TTLL7: variants seen among roughly 807,000 people sequenced by gnomAD.
The protein encoded by TTLL7 is tubulin tyrosine ligase like 7.
TTLL7 carries 53 observed loss-of-function variants against 120.2 expected under a neutral mutation model. That is an observed-to-expected ratio of 0.44 (90% CI 0.35 to 0.55). The LOEUF is 0.55. Among genes scored for constraint, TTLL7 ranks in the 20% least tolerant of loss-of-function variants. TTLL7 has a pLI of 0.00. For missense variants in TTLL7, 803 were observed against 1,054.7 expected (o/e 0.76, Z 3.31); for synonymous variants, 353 against 351.7 (o/e 1.00, Z -0.04).
chr1:83,948,522 T>C, intron 5 of TTLL7, 106 bp downstream of exon 5: 5 of 784,056 alleles, frequency 6.4e-6, no homozygotes, highest in Non-Finnish European at 1.0e-5. Context: ...ATCACTCTCA[T>C]CTAAATATCA....
intron 20 of TTLL7, among the ~76,000 whole-genome samples, chr1:83,871,573 C>A (rs971507422): frequency 6.6e-6 from 1 of 152,092 alleles, no homozygotes; most frequent in African/African-American, 2.4e-5. Context: ...GGTATCAAAT[C>A]GTTTATTTTC....
chr1:83,890,156 C>T (rs1161975233), intron 19 of TTLL7, among the ~76,000 whole-genome samples, 165 bp downstream of exon 19: 1 of 152,056 alleles, frequency 6.6e-6, no homozygotes, highest in Admixed American at 6.6e-5. Context: ...ATCATCTTAT[C>T]TAAATCAGCT....
At chr1:83,922,665 A>AAAAAGAAGACAGG (rs1476727705) in intron 10 of TTLL7, among the ~76,000 whole-genome samples, 5 of 140,966 alleles carry the variant, frequency 3.5e-5, no homozygotes, top group African/African-American at 5.5e-5. Flanking sequence ...TGAATGCAAG[A>AAAAAGAAGACAGG]AACTCAGCTT....
At chr1:83,892,481 A>T (rs1273188095) in intron 18 of TTLL7, among the ~76,000 whole-genome samples, 15 of 83,910 alleles carry the variant, frequency 1.8e-4, no homozygotes, top group East Asian at 2.7e-4. Flanking sequence ...TGAACATATG[A>T]ATGAACATAT....
intron 7 of TTLL7, among the ~76,000 whole-genome samples, chr1:83,942,134 T>C (rs1258673225): frequency 6.6e-6 from 1 of 152,186 alleles, no homozygotes; most frequent in African/African-American, 2.4e-5. Flanking sequence ...TACTTCTCCA[T>C]TGCATGTTAG....
intron 8 of TTLL7, among the ~76,000 whole-genome samples, chr1:83,935,301 G>A (rs1411953093): frequency 2.0e-5 from 3 of 152,018 alleles, no homozygotes; most frequent in African/African-American, 7.2e-5. Context: ...AGAGGGGGTG[G>A]GGACTGATTA....
chr1:83,871,578 A>G (rs1223203568), intron 20 of TTLL7, among the ~76,000 whole-genome samples: 1 of 151,984 alleles, frequency 6.6e-6, no homozygotes, highest in African/African-American at 2.4e-5. Flanking sequence ...CAAATCGTTT[A>G]TTTTCTTCAC....
chr1:83,966,753 A>C (rs751667775), intron 1 of TTLL7, among the ~76,000 whole-genome samples: 1 of 152,110 alleles, frequency 6.6e-6, no homozygotes, highest in Non-Finnish European at 1.5e-5. Flanking sequence ...TAAAATTGTG[A>C]TTATCTTATA....
intron 1 of TTLL7, among the ~76,000 whole-genome samples, chr1:83,986,391 TA>T (rs1379120294): frequency 3.3e-5 from 5 of 152,152 alleles, no homozygotes; most frequent in Non-Finnish European, 7.4e-5. Flanking sequence ...CAATTGATAC[TA>T]AAAAAAGTAT....
chr1:83,921,524 C>G lies in TTLL7; in HGVS notation c.1143-130G>C. On this transcript the variant is annotated intron_variant, in intron 10 of 20. Transcript: ENST00000260505. Reference sequence around the variant, plus strand: ...AATGTTTATTAAACTTATATATTCACTTACATTATATTCATCTAACCATAC... The same window carrying G: ...AATGTTTATTAAACTTATATATTCAGTTACATTATATTCATCTAACCATAC... The G allele has an allele frequency of 3.2e-6, 3 of 950,004 alleles. No individual in the cohort carries two copies. In the South Asian group the frequency reaches 5.6e-5, roughly 18 times the overall value. The allele number at this position is 950,004 out of a possible 1,614,324, so 58.8% of individuals were successfully genotyped here. A position where few individuals can be genotyped will look rare whatever the true frequency, so the allele number is the denominator to read the frequency against.
intron 1 of TTLL7, among the ~76,000 whole-genome samples, chr1:83,975,934 T>C (rs552919655): frequency 9.2e-5 from 14 of 152,032 alleles, no homozygotes; most frequent in African/African-American, 2.7e-4. Context: ...TTTGAAATAA[T>C]AGAATAGAAT....
chr1:83,950,971 G>A (rs1306431034), intron 3 of TTLL7, among the ~76,000 whole-genome samples: 1 of 152,160 alleles, frequency 6.6e-6, no homozygotes, highest in Non-Finnish European at 1.5e-5. Context: ...CTGTTCCTGA[G>A]TATATGAGAG....
At chr1:83,937,418 G>A (rs1019526139) in intron 8 of TTLL7, among the ~76,000 whole-genome samples, 2 of 152,092 alleles carry the variant, frequency 1.3e-5, no homozygotes, top group African/African-American at 4.8e-5. Context: ...GGCCAGGCTG[G>A]TCTCGAACTC....
chr1:83,921,794 A>G (rs1289641183), intron 10 of TTLL7, among the ~76,000 whole-genome samples: 1 of 152,156 alleles, frequency 6.6e-6, no homozygotes, highest in Non-Finnish European at 1.5e-5. Flanking sequence ...TTGTGGTAAC[A>G]TTAATAGGTA....
At chr1:83,990,854 G>GA (rs943698555) in intron 1 of TTLL7, among the ~76,000 whole-genome samples, 18 of 152,228 alleles carry the variant, frequency 1.2e-4, no homozygotes, top group South Asian at 4.2e-4. Flanking sequence ...GGTATAATCT[G>GA]AAAAAAATTA....
At chr1:83,893,951 A>C (rs1656003220) in intron 18 of TTLL7, among the ~76,000 whole-genome samples, 1 of 152,136 alleles carries the variant, frequency 6.6e-6, no homozygotes, top group African/African-American at 2.4e-5. Context: ...CTTCATTATA[A>C]AGAGGAATAT....
intron 1 of TTLL7, among the ~76,000 whole-genome samples, chr1:83,957,123 A>C (rs938879554): frequency 2.0e-5 from 3 of 152,218 alleles, no homozygotes; most frequent in Non-Finnish European, 4.4e-5. Flanking sequence ...ATAAATTCTT[A>C]GGCTGCAAAA....
intron 18 of TTLL7, among the ~76,000 whole-genome samples, chr1:83,892,207 CAT>C (rs1232325001): frequency 1.4e-5 from 2 of 142,892 alleles, no homozygotes; most frequent in African/African-American, 5.2e-5. Flanking sequence ...TATATATACA[CAT>C]ATATATGAAT....
chr1:83,950,068 T>G, intron 3 of TTLL7, 82 bp from the exon 4 acceptor site: 1 of 1,235,354 alleles, frequency 8.1e-7, no homozygotes, highest in Non-Finnish European at 1.1e-6. Context: ...CTATCTAAAC[T>G]TTAGTTCATA....
Sources: allele counts gnomAD v4.1 joint callset (sites outside exome capture counted in the v4.1 genomes callset), GRCh38; gene constraint gnomAD v4.1.1; transcripts MANE v1.5; gene names NCBI Gene and HGNC (gene_info 2026-07-23, HGNC 2026-07-21).